The following SETD3 variants were observed in gnomAD, a reference collection of about 807,000 sequenced individuals.
SETD3 encodes actin-histidine N-methyltransferase.
SETD3 carries 19 observed loss-of-function variants against 63.0 expected under a neutral mutation model. The ratio of observed to expected loss-of-function variants is 0.30; its 90% CI spans 0.21 to 0.44. The LOEUF (loss-of-function observed/expected upper bound fraction) is 0.44. Among genes scored for constraint, SETD3 ranks in the 20% least tolerant of loss-of-function variants. The pLI is 1.00. For synonymous variants in SETD3, 286 were observed against 264.1 expected, an observed-to-expected ratio of 1.08 and a Z score of -0.80; for missense variants, 587 against 728.5, an observed-to-expected ratio of 0.81 and a Z score of 2.24.
At chr14:99,460,676 G>C (rs528624197) in intron 4 of SETD3, among the ~76,000 whole-genome samples, 24 of 152,324 alleles carry the variant, frequency 1.6e-4, no homozygotes, top group African/African-American at 5.3e-4. Flanking sequence ...GTGGAAAGAA[G>C]AACCAAGAAC....
intron 10 of SETD3, 79 bp downstream of exon 10, chr14:99,405,126 A>AAC: frequency 1.3e-6 from 2 of 1,507,794 alleles, no homozygotes; most frequent in Non-Finnish European, 1.8e-6. Flanking sequence ...AAGTTTTATT[A>AAC]ACACACCAAT....
chr14:99,436,531 G>A (rs1160240681), intron 6 of SETD3, among the ~76,000 whole-genome samples: 3 of 152,160 alleles, frequency 2.0e-5, no homozygotes, highest in Non-Finnish European at 2.9e-5. Context: ...TTACAGCACA[G>A]GGATAAGTGT....
intron 6 of SETD3, among the ~76,000 whole-genome samples, chr14:99,442,134 A>T (rs1893857948): frequency 1.3e-5 from 2 of 152,138 alleles, no homozygotes; most frequent in Non-Finnish European, 2.9e-5. Flanking sequence ...ATCAGATCTC[A>T]ATCAGCCCCA....
rs1892083127 is a variant in SETD3 at position 99,412,954 on chromosome 14, G to A, written c.846C>T (p.Gly282=). The A allele has an allele frequency of 6.2e-7, 1 of 1,601,988 alleles. No homozygotes were observed. The highest frequency in any genetic ancestry group is 1.1e-5 in the South Asian group (1 of 90,810). Residue 282 remains glycine (G), a synonymous_variant, in exon 8 of 13, where the codon GGC becomes GGT. Transcript: ENST00000331768. ...ACACAGGGGAAGAGGTCGTTACCAG[G>A]CCGTTGGTGTGGTTACACATATCCC... ...PLWDMCNHTN[G]LITTGYNLED... is the part of the protein sequence containing the mutation.
upstream of SETD3, chr14:99,481,410 A>T (rs1017493233): frequency 5.0e-6 from 2 of 398,544 alleles, no homozygotes; most frequent in African/African-American, 4.1e-5. Flanking sequence ...TAGGTCCCCG[A>T]CATTCCATAT....
At chr14:99,406,624 G>C in intron 8 of SETD3, 34 bp from the exon 9 acceptor site, 1 of 1,585,844 alleles carries the variant, frequency 6.3e-7, no homozygotes, top group Non-Finnish European at 8.7e-7. Context: ...ATGATGGTGA[G>C]GCAAACACAC....
chr14:99,481,335 C>T (rs1896306422), upstream of SETD3: 1 of 398,296 alleles, frequency 2.5e-6, no homozygotes, highest in East Asian at 3.6e-5. Flanking sequence ...CATTGGTTGA[C>T]AGGCATCCTA....
At chr14:99,458,669 G>A (rs1438137336) in intron 5 of SETD3, 134 bp from the exon 6 acceptor site, 2 of 1,117,590 alleles carry the variant, frequency 1.8e-6, no homozygotes, top group Non-Finnish European at 2.5e-6. Flanking sequence ...TGGGCGCAGT[G>A]GCTCACACCT....
At chr14:99,424,087 A>G (rs1366464263) in intron 6 of SETD3, among the ~76,000 whole-genome samples, 6 of 152,220 alleles carry the variant, frequency 3.9e-5, no homozygotes, top group Non-Finnish European at 8.8e-5. Flanking sequence ...TCTTTTAAGC[A>G]CTACCTAGAA....
rs549058604 is a variant in SETD3, at chr14:99,398,511, G to A, written c.*168C>T. 1 of 646,038 alleles carries A rather than the reference G, an allele frequency of 1.5e-6. No homozygotes were observed. The highest frequency in any genetic ancestry group is 2.8e-5 in the East Asian group (1 of 35,868). The allele number at this position is 646,038 out of a possible 1,614,324, so 40.0% of individuals were successfully genotyped here. On this transcript the variant is annotated 3_prime_UTR_variant, in exon 13 of 13. Coordinates refer to ENST00000331768, the MANE Select transcript of SETD3 (RefSeq NM_032233.3). ...CAAGATGGCAATCTTAATCAAAAAG[G>A]GAAGCTAGATTTTTAAAATAACTTA...
intron 6 of SETD3, among the ~76,000 whole-genome samples, chr14:99,443,207 A>C (rs954211797): frequency 1.3e-5 from 2 of 151,394 alleles, no homozygotes; most frequent in Non-Finnish European, 2.9e-5. Context: ...AAAATAAAAC[A>C]ACCTCCTCAA....
chr14:99,441,708 G>C (rs911610737), intron 6 of SETD3, among the ~76,000 whole-genome samples: 2 of 152,210 alleles, frequency 1.3e-5, no homozygotes, highest in Non-Finnish European at 2.9e-5. Context: ...CAGAGGGAGT[G>C]GACTGCAGTG....
intron 12 of SETD3, 90 bp downstream of exon 12, chr14:99,400,009 G>A (rs886414005): frequency 6.5e-6 from 8 of 1,221,724 alleles, no homozygotes; most frequent in African/African-American, 6.2e-5. Flanking sequence ...CCAAAGTGCT[G>A]GGATTACAGG....
At chr14:99,443,279 G>C (rs1253501679) in intron 6 of SETD3, among the ~76,000 whole-genome samples, 1 of 23,112 alleles carries the variant, frequency 4.3e-5, no homozygotes, top group Non-Finnish European at 8.2e-5. Flanking sequence ...TTTTTTTTTT[G>C]AGATGGAGTG....
chr14:99,422,722 C>T (rs1892653366), intron 6 of SETD3, among the ~76,000 whole-genome samples: 1 of 152,174 alleles, frequency 6.6e-6, no homozygotes, highest in African/African-American at 2.4e-5. Flanking sequence ...CACCAGCTGC[C>T]AGGAGTTTAC....
At chr14:99,446,849 A>C (rs1894156643) in intron 6 of SETD3, among the ~76,000 whole-genome samples, 1 of 152,002 alleles carries the variant, frequency 6.6e-6, no homozygotes, top group Non-Finnish European at 1.5e-5. Flanking sequence ...TGGGAACTCA[A>C]ACCCGCCTCA....
intron 6 of SETD3, among the ~76,000 whole-genome samples, chr14:99,454,906 G>A (rs1397597207): frequency 6.6e-6 from 1 of 152,170 alleles, no homozygotes; most frequent in African/African-American, 2.4e-5. Context: ...ACAACCACAG[G>A]TGCTATGGCA....
At chr14:99,469,067 A>T (rs1228635289) in intron 1 of SETD3, among the ~76,000 whole-genome samples, 2 of 152,250 alleles carry the variant, frequency 1.3e-5, no homozygotes, top group African/African-American at 2.4e-5. Flanking sequence ...ACCATTAAAA[A>T]TATGGTTACA....
chr14:99,474,405 C>G (rs951031004), intron 1 of SETD3, among the ~76,000 whole-genome samples: 9 of 152,016 alleles, frequency 5.9e-5, no homozygotes, highest in Non-Finnish European at 1.2e-4. Context: ...GGCAAGCAGG[C>G]AGGGAAGAAG....
Sources: gnomAD v4.1 joint callset for allele counts (sites outside exome capture counted in the v4.1 genomes callset) on GRCh38, gnomAD v4.1.1 for gene constraint, MANE v1.5 for transcripts, NCBI Gene and HGNC (gene_info 2026-07-23, HGNC 2026-07-21) for gene names.